SPOCK1: variants seen among roughly 807,000 people sequenced by gnomAD.
SPOCK1 encodes SPARC (osteonectin), cwcv and kazal like domains proteoglycan 1, also known as testican-1.
A neutral mutation model predicts 55.3 loss-of-function variants in SPOCK1; 23 were observed. That is an observed-to-expected ratio of 0.42 (90% CI 0.30 to 0.59). The LOEUF is 0.59. SPOCK1 is among the 20% of genes least tolerant of loss of function. SPOCK1 has a pLI of 0.22. For missense variants in SPOCK1, 499 were observed against 552.5 expected (o/e 0.90, Z 0.97); for synonymous variants, 226 against 221.0 (o/e 1.02, Z -0.20).
rs552895503 is a variant in SPOCK1 at position 137,464,781 on chromosome 5, G to A, written c.186+33592C>T. ...CCAAGTGGAGAGGTCGCTGGGCAAA[G>A]GAACGAGTGTGTCTTGAACCTAGGA... On this transcript the variant is annotated intron_variant, in intron 2 of 10. Transcript: ENST00000394945. Among the ~76,000 whole-genome samples, 18 of 152,320 alleles carry A rather than the reference G, an allele frequency of 1.2e-4. No individual in the cohort carries two copies. In the South Asian group the frequency reaches 1.2e-3, roughly 11 times the overall value.
intron 2 of SPOCK1, among the ~76,000 whole-genome samples, chr5:137,279,675 ACT>A (rs1339020080): frequency 6.6e-6 from 1 of 151,984 alleles, no homozygotes; most frequent in Non-Finnish European, 1.5e-5. Flanking sequence ...TGACTAGGAA[ACT>A]CTGTAGCTAC....
intron 3 of SPOCK1, among the ~76,000 whole-genome samples, chr5:137,251,665 T>C (rs773262710): frequency 2.0e-5 from 3 of 152,172 alleles, no homozygotes; most frequent in Non-Finnish European, 4.4e-5. Flanking sequence ...TGAGACCTGT[T>C]TATGTAGGCA....
chr5:137,038,098 A>G (rs1235337167), intron 6 of SPOCK1, among the ~76,000 whole-genome samples: 1 of 152,186 alleles, frequency 6.6e-6, no homozygotes, highest in Admixed American at 6.5e-5. Flanking sequence ...ATGAAGCAAA[A>G]GCCTCATGGA....
intron 2 of SPOCK1, among the ~76,000 whole-genome samples, chr5:137,376,044 A>T (rs1751306646): frequency 6.6e-6 from 1 of 152,250 alleles, no homozygotes; most frequent in South Asian, 2.1e-4. Context: ...TGGCTATCTC[A>T]ACAACCAAGT....
At chr5:137,255,537 G>C (rs962990086) in intron 3 of SPOCK1, among the ~76,000 whole-genome samples, 3 of 152,068 alleles carry the variant, frequency 2.0e-5, no homozygotes, top group Non-Finnish European at 2.9e-5. Flanking sequence ...GTTGTTTTTT[G>C]GTGAATGAGG....
chr5:137,211,146 A>G (rs1755606882), intron 3 of SPOCK1, among the ~76,000 whole-genome samples: 2 of 152,214 alleles, frequency 1.3e-5, no homozygotes, highest in Admixed American at 1.3e-4. Context: ...GAAGATGAAG[A>G]AACAGAGGTC....
At chr5:137,333,357 G>C (rs933266731) in intron 2 of SPOCK1, among the ~76,000 whole-genome samples, 33 of 152,194 alleles carry the variant, frequency 2.2e-4, no homozygotes, top group Admixed American at 8.5e-4. Flanking sequence ...TTGGGAAAAA[G>C]CTCAGGAGGG....
At chr5:137,452,910 G>A (rs1028072042) in intron 2 of SPOCK1, among the ~76,000 whole-genome samples, 2 of 152,116 alleles carry the variant, frequency 1.3e-5, no homozygotes, top group African/African-American at 2.4e-5. Flanking sequence ...AGCTACCTGG[G>A]TGGAGAAAAA....
chr5:137,132,021 A>AT lies in SPOCK1; in HGVS notation c.347+8558_347+8559insA, dbSNP rs1561621235. On this transcript the variant is annotated intron_variant, in intron 4 of 10. Coordinates refer to ENST00000394945, the MANE Select transcript of SPOCK1 (RefSeq NM_004598.4). Reference sequence around the variant, plus strand: ...ATATATATATATATATATATATATAAAAAATTAGCTGGGCATGGTGGCAAG... The same window carrying AT: ...ATATATATATATATATATATATATAATAAAATTAGCTGGGCATGGTGGCAAG... 8.4e-3 allele frequency among the ~76,000 whole-genome samples: 575 copies of AT among 68,292 alleles called. 65 individuals carry two copies. Among genetic ancestry groups the AT allele is most frequent in the Non-Finnish European group, 0.012 (432 of 34,782 alleles). The allele number at this position is 68,292 out of a possible 152,430, so 44.8% of individuals were successfully genotyped here.
intron 5 of SPOCK1, among the ~76,000 whole-genome samples, chr5:137,072,306 G>A (rs1580735858): frequency 6.6e-6 from 1 of 152,164 alleles, no homozygotes; most frequent in African/African-American, 2.4e-5. Flanking sequence ...TAGGAAATAA[G>A]TTAAGGACTT....
chr5:137,313,546 A>C (rs766969611), intron 2 of SPOCK1: 52 of 941,624 alleles, frequency 5.5e-5, no homozygotes, highest in Non-Finnish European at 6.3e-5. Flanking sequence ...CACAGGCTCC[A>C]GCCTGCCTCC....
At chr5:137,393,276 G>A (rs1751766109) in intron 2 of SPOCK1, among the ~76,000 whole-genome samples, 1 of 152,166 alleles carries the variant, frequency 6.6e-6, no homozygotes, top group Non-Finnish European at 1.5e-5. Context: ...CTTGTCAACA[G>A]ATAGGACACA....
intron 2 of SPOCK1, among the ~76,000 whole-genome samples, chr5:137,387,899 A>G (rs1471366796): frequency 6.6e-6 from 1 of 152,222 alleles, no homozygotes; most frequent in African/African-American, 2.4e-5. Flanking sequence ...AATAAAAGGC[A>G]GTGAGCTATA....
Position 136,978,743 on chromosome 5 carries a change from C to A in SPOCK1, c.1231G>T (p.Gly411Trp). The change falls in exon 11 of 11, where the codon GGG becomes TGG. Residue 411 changes from glycine (G) to tryptophan (W), a missense_variant. This residue lies in a region of SPOCK1 where 83 missense variants were observed against 87.5 expected (regional missense o/e 0.95). Coordinates refer to ENST00000394945, the MANE Select transcript of SPOCK1 (RefSeq NM_004598.4). ...GCTCGGGTGTGCACCCTCAGCTTCC[C>A]CTCTTTGTCCTTTGGTCCCAGCTCC... ...ERELGPKDKE[G>W]KLRVHTRAVT... The A allele has an allele frequency of 6.2e-7, 1 of 1,614,114 alleles. No homozygotes were observed. Among genetic ancestry groups the A allele is most frequent in the Non-Finnish European group, 8.5e-7 (1 of 1,180,010 alleles).
At chr5:137,421,076 G>C (rs1752481947) in intron 2 of SPOCK1, among the ~76,000 whole-genome samples, 1 of 152,238 alleles carries the variant, frequency 6.6e-6, no homozygotes, top group African/African-American at 2.4e-5. Context: ...TTCAGGAGCA[G>C]GTTGTTCAGT....
rs114265199 is a variant in SPOCK1 at position 136,997,238 on chromosome 5, C to T, written c.590-4638G>A. ...TCAGAAAATGGTACCAGCAAATACTCATATATTCTCAGGGCAAACACTTGG... is the reference window on the plus strand; with the variant it reads ...TCAGAAAATGGTACCAGCAAATACTTATATATTCTCAGGGCAAACACTTGG... On this transcript the variant is annotated intron_variant, in intron 6 of 10. Transcript: ENST00000394945. Among the ~76,000 whole-genome samples, 393 of 152,268 alleles carry T rather than the reference C, an allele frequency of 2.6e-3. 2 individuals are homozygous for T. The highest frequency in any genetic ancestry group is 9.1e-3 in the African/African-American group (379 of 41,554).
At chr5:137,124,490 T>C (rs1231181092) in intron 4 of SPOCK1, among the ~76,000 whole-genome samples, 1 of 152,072 alleles carries the variant, frequency 6.6e-6, no homozygotes, top group African/African-American at 2.4e-5. Flanking sequence ...AATCAGACCT[T>C]AGAGAGAAGA....
At chr5:137,027,719 C>T (rs1356557289) in intron 6 of SPOCK1, among the ~76,000 whole-genome samples, 1 of 152,134 alleles carries the variant, frequency 6.6e-6, no homozygotes, top group Non-Finnish European at 1.5e-5. Context: ...TCCATCAACC[C>T]CCTTGCAGAG....
intron 2 of SPOCK1, among the ~76,000 whole-genome samples, chr5:137,433,586 G>A (rs1032032884): frequency 1.3e-5 from 2 of 152,140 alleles, no homozygotes; most frequent in African/African-American, 4.8e-5. Context: ...TATTGTCTAG[G>A]CTACTTCCCA....
Sources: gnomAD v4.1 joint callset for allele counts (sites outside exome capture counted in the v4.1 genomes callset) on GRCh38, gnomAD v4.1.1 for gene constraint, gnomAD v4.1.1 regional missense constraint, MANE v1.5 for transcripts, NCBI Gene and HGNC (gene_info 2026-07-23, HGNC 2026-07-21) for gene names.